MACF1: variants seen among roughly 807,000 people sequenced by gnomAD.
The protein encoded by MACF1 is microtubule actin crosslinking factor 1.
Under a neutral mutation model 854.8 loss-of-function variants are expected in MACF1, and 193 were observed. That is an observed-to-expected ratio of 0.23 (90% CI 0.20 to 0.25). The LOEUF (loss-of-function observed/expected upper bound fraction) is 0.25, where lower values mean the gene tolerates loss of function less well. Ranked by LOEUF, MACF1 falls within the 10% of genes least tolerant of loss-of-function variation. MACF1 has a pLI of 1.00. For missense variants in MACF1, 7,722 were observed against 8,929.1 expected, an observed-to-expected ratio of 0.86 and a Z score of 5.45; for synonymous variants, 3,185 against 3,226.7, an observed-to-expected ratio of 0.99 and a Z score of 0.44.
At chr1:39,306,680 C>T (rs942563439) in intron 23 of MACF1, among the ~76,000 whole-genome samples, 5 of 147,182 alleles carry the variant, frequency 3.4e-5, no homozygotes, top group South Asian at 2.1e-4. Context: ...CTCTGTGATA[C>T]GTGGACCCAC....
At position 39,084,892 on chromosome 1, in the gene MACF1, G is replaced by A. The variant is rs576594859; in HGVS notation, c.220+454G>A. On this transcript the variant is annotated intron_variant, in intron 2 of 93. Transcript: ENST00000361689. This position sits in a 1 kb window ranked among gnomAD's most constrained non-coding sequence, Gnocchi z 5.2. ...CTTTTTGGCTATATTAGACAATGCT[G>A]CTGAGAACATGGTTAAGAATGATTT... Among the ~76,000 whole-genome samples, 14 of 152,196 alleles carry A rather than the reference G, an allele frequency of 9.2e-5. No homozygotes were observed. The East Asian group carries it at 2.7e-3, about 29-fold the overall frequency.
chr1:39,169,121 T>A (rs1290105518), intron 2 of MACF1, among the ~76,000 whole-genome samples: 1 of 152,224 alleles, frequency 6.6e-6, no homozygotes, highest in Non-Finnish European at 1.5e-5. Context: ...TCTCTTAAAT[T>A]TGTCTTTTTC....
chr1:39,344,025 G>C (rs1341469942), intron 40 of MACF1, among the ~76,000 whole-genome samples: 1 of 151,400 alleles, frequency 6.6e-6, no homozygotes, highest in Non-Finnish European at 1.5e-5. Flanking sequence ...TGAGGCAGGA[G>C]AATCACTTGA....
chr1:39,379,382 A>G lies in MACF1; in HGVS notation c.13456A>G (p.Met4486Val). The G allele has an allele frequency of 6.2e-7, 1 of 1,614,190 alleles. No individual in the cohort carries two copies. Among genetic ancestry groups the G allele is most frequent in the Non-Finnish European group, 8.5e-7 (1 of 1,180,026 alleles). Residue 4486 changes from methionine to valine, a missense_variant, in exon 54 of 101, where the codon ATG (methionine) becomes GTG (valine). This residue lies in a region of MACF1 where 2,807 missense variants were observed against 3,235.8 expected (regional missense o/e 0.87). Coordinates refer to ENST00000564288, the MANE Select transcript of MACF1 (RefSeq NM_001394062.1). ...ATCAAAAGAGGAAGTCCTGAAATCC[A>G]TGGATGCCATGTCATCTCCAACCAA... ...LESKEEVLKS[M>V]DAMSSPTKTE...
chr1:39,110,550 T>C (rs1262303488), intron 2 of MACF1, among the ~76,000 whole-genome samples: 2 of 152,182 alleles, frequency 1.3e-5, no homozygotes, highest in African/African-American at 4.8e-5. Flanking sequence ...CACTCAGTTT[T>C]TAAGTTCCTT....
intron 100 of MACF1, chr1:39,485,239 A>G: frequency 5.5e-6 from 2 of 362,622 alleles, no homozygotes; most frequent in Non-Finnish European, 1.0e-5. Context: ...CCCGGCTGGC[A>G]GGCTCACCCA....
chr1:39,118,234 A>G (rs1247067712), intron 2 of MACF1, among the ~76,000 whole-genome samples: 1 of 152,238 alleles, frequency 6.6e-6, no homozygotes, highest in Non-Finnish European at 1.5e-5. Context: ...CCACAGACAG[A>G]GCAGCAGCCA....
rs200887837 is a variant in MACF1, at chr1:39,411,262, G to A, written c.15817-11112G>A. On this transcript the variant is annotated intron_variant, in intron 58 of 100. Transcript: ENST00000564288. ...TGAGCGATGGATTATGATGGAGGCT[G>A]AGGGAGAGTGGGAGGAAGAGAAACT... 249 of 1,613,870 alleles carry A rather than the reference G, an allele frequency of 1.5e-4. 1 individual carries two copies. The highest frequency in any genetic ancestry group is 1.9e-4 in the Non-Finnish European group (220 of 1,179,908).
chr1:39,294,934 C>T (rs1452084227), intron 18 of MACF1, 112 bp from the exon 19 acceptor site: 1 of 725,258 alleles, frequency 1.4e-6, no homozygotes, highest in Non-Finnish European at 2.4e-6. Context: ...CTCATTTTGC[C>T]ACCAATTCTA....
intron 2 of MACF1, among the ~76,000 whole-genome samples, chr1:39,196,265 C>T (rs537203455): frequency 1.3e-5 from 2 of 152,240 alleles, no homozygotes; most frequent in African/African-American, 2.4e-5. Flanking sequence ...TCTATGTATA[C>T]GGAGCAATAA....
At chr1:39,397,705 A>G (rs773370952) in intron 58 of MACF1, among the ~76,000 whole-genome samples, 83 of 152,232 alleles carry the variant, frequency 5.5e-4, no homozygotes, top group Non-Finnish European at 1.1e-3. Context: ...CGCTCATGTA[A>G]TTTATTGAAT....
intron 86 of MACF1, 166 bp from the exon 87 acceptor site, chr1:39,452,518 A>C: frequency 8.8e-7 from 1 of 1,134,462 alleles, no homozygotes; most frequent in African/African-American, 1.6e-5. Context: ...AGAAATAATG[A>C]ATTCAGTTGA....
intron 2 of MACF1, among the ~76,000 whole-genome samples, chr1:39,165,809 G>A (rs908685368): frequency 1.3e-5 from 2 of 152,166 alleles, no homozygotes; most frequent in Non-Finnish European, 2.9e-5. Context: ...TTTGCTCATT[G>A]TGGAATGGCA....
chr1:39,274,292 A>C (rs1276725352), intron 6 of MACF1, among the ~76,000 whole-genome samples: 1 of 151,934 alleles, frequency 6.6e-6, no homozygotes, highest in Admixed American at 6.5e-5. Context: ...AAGTTGTATA[A>C]AAATAAAAAT....
intron 89 of MACF1, chr1:39,457,101 T>C (rs998000190): frequency 6.6e-6 from 1 of 152,292 alleles, no homozygotes; most frequent in African/African-American, 2.4e-5. Context: ...CAGCTTTAGC[T>C]ATTACCTATA....
At chr1:39,386,090 G>A (rs573063488) in intron 57 of MACF1, among the ~76,000 whole-genome samples, 161 bp downstream of exon 57, 1 of 152,118 alleles carries the variant, frequency 6.6e-6, no homozygotes, top group Non-Finnish European at 1.5e-5. Context: ...GAGAACTGTT[G>A]TAGTTGTTAC....
chr1:39,441,778 C>T (rs1034708145), intron 74 of MACF1, among the ~76,000 whole-genome samples, 174 bp from the exon 75 acceptor site: 3 of 152,142 alleles, frequency 2.0e-5, no homozygotes, highest in African/African-American at 7.2e-5. Flanking sequence ...ATTATTAAAT[C>T]ACCATATTAT....
chr1:39,238,833 T>G (rs569799777), intron 2 of MACF1, among the ~76,000 whole-genome samples: 1 of 152,366 alleles, frequency 6.6e-6, no homozygotes, highest in East Asian at 1.9e-4. Flanking sequence ...GATTCACTGC[T>G]AATCAGAGTT....
intron 58 of MACF1, among the ~76,000 whole-genome samples, chr1:39,400,961 A>G (rs187115977): frequency 6.6e-6 from 1 of 152,328 alleles, no homozygotes; most frequent in Non-Finnish European, 1.5e-5. Context: ...TAGTTTGATA[A>G]CAATGAAACA....
Sources: gnomAD v4.1 joint callset for allele counts (sites outside exome capture counted in the v4.1 genomes callset) on GRCh38, gnomAD v4.1.1 for gene constraint, gnomAD v4.1.1 regional missense constraint, Gnocchi (gnomAD v3.1) non-coding constraint, MANE v1.5 for transcripts, NCBI Gene and HGNC (gene_info 2026-07-23, HGNC 2026-07-21) for gene names.